The following FSTL4 variants were observed in gnomAD, a reference collection of about 807,000 sequenced individuals.
FSTL4 encodes the protein follistatin like 4.
FSTL4 carries 28 observed loss-of-function variants against 78.2 expected under a neutral mutation model. That is an observed-to-expected ratio of 0.36 (90% CI 0.27 to 0.49). FSTL4 has a LOEUF of 0.49. Among genes scored for constraint, FSTL4 ranks in the 20% least tolerant of loss-of-function variants. The pLI is 0.98. For missense variants in FSTL4, 922 were observed against 1,084.9 expected (o/e 0.85, Z 2.11); for synonymous variants, 422 against 440.5 (o/e 0.96, Z 0.53).
At chr5:133,531,865 T>C (rs920470132) in intron 3 of FSTL4, among the ~76,000 whole-genome samples, 1 of 152,202 alleles carries the variant, frequency 6.6e-6, no homozygotes, top group Admixed American at 6.5e-5. Context: ...ATAATCTGCA[T>C]GCCTTTACTG....
chr5:133,668,244 C>T, the FSTL4 span, among the ~76,000 whole-genome samples: 2 of 152,120 alleles, frequency 1.3e-5, no homozygotes, highest in African/African-American at 4.8e-5. Context: ...ACTAAGAAAC[C>T]CTCAGGAAGA....
chr5:133,406,070 T>C (rs1341405616), intron 3 of FSTL4, among the ~76,000 whole-genome samples: 1 of 152,024 alleles, frequency 6.6e-6, no homozygotes. Flanking sequence ...AAGACAAGTG[T>C]AGATGGTGTT....
At chr5:133,830,748 C>T in the FSTL4 span, among the ~76,000 whole-genome samples, 4 of 152,172 alleles carry the variant, frequency 2.6e-5, no homozygotes, top group East Asian at 1.9e-4. Flanking sequence ...GGGGAGTCCT[C>T]GTCAATTAGG....
At chr5:133,386,398 C>G (rs1037843250) in intron 4 of FSTL4, among the ~76,000 whole-genome samples, 2 of 152,228 alleles carry the variant, frequency 1.3e-5, no homozygotes, top group African/African-American at 2.4e-5. Flanking sequence ...GCCTTCTAGA[C>G]AGGCACGCTC....
chr5:133,580,270 C>G (rs915414671), intron 2 of FSTL4, among the ~76,000 whole-genome samples: 1 of 152,172 alleles, frequency 6.6e-6, no homozygotes, highest in African/African-American at 2.4e-5. Flanking sequence ...TCCTAGCTTG[C>G]AATTCCCACC....
At chr5:133,706,730 C>T in the FSTL4 span, among the ~76,000 whole-genome samples, 5 of 152,188 alleles carry the variant, frequency 3.3e-5, no homozygotes, top group African/African-American at 1.2e-4. Flanking sequence ...TCTTCCACCT[C>T]CAACCAACAC....
the FSTL4 span, among the ~76,000 whole-genome samples, chr5:133,758,524 T>A: frequency 6.6e-6 from 1 of 152,194 alleles, no homozygotes; most frequent in Non-Finnish European, 1.5e-5. Context: ...AGATGTTGCC[T>A]CTCCCCAAAA....
Position 133,212,975 on chromosome 5 carries a change from CAT to C in FSTL4, c.1609-2679_1609-2678del, listed in dbSNP as rs535064362. On this transcript the variant is annotated intron_variant, in intron 13 of 15. Coordinates refer to ENST00000265342, the MANE Select transcript of FSTL4 (RefSeq NM_015082.2). ...AATGCTGAAAGAAAAGAATCGCTAA[CAT>C]AGAATTCTATACTCAGTGAAGAATA... Among the ~76,000 whole-genome samples, 557 of 151,478 alleles carry C rather than the reference CAT, an allele frequency of 3.7e-3. 7 individuals carry two copies. Among genetic ancestry groups the C allele is most frequent in the African/African-American group, 0.013 (542 of 41,328 alleles).
At chr5:133,268,232 C>T (rs569432750) in intron 6 of FSTL4, among the ~76,000 whole-genome samples, 4 of 152,280 alleles carry the variant, frequency 2.6e-5, no homozygotes, top group African/African-American at 9.6e-5. Flanking sequence ...GCTAGATTCC[C>T]CTTCCTGGGA....
At chr5:133,411,173 A>T (rs994191055) in intron 3 of FSTL4, among the ~76,000 whole-genome samples, 3 of 152,246 alleles carry the variant, frequency 2.0e-5, no homozygotes, top group Non-Finnish European at 4.4e-5. Context: ...GCCTTAAGGT[A>T]CTTCAGTGTT....
intron 4 of FSTL4, among the ~76,000 whole-genome samples, chr5:133,383,188 C>T (rs575651431): frequency 1.3e-5 from 2 of 152,230 alleles, no homozygotes; most frequent in Non-Finnish European, 2.9e-5. Context: ...CCACATCCTG[C>T]ACTTCCTCCT....
At chr5:133,808,302 C>T in the FSTL4 span, among the ~76,000 whole-genome samples, 1 of 152,182 alleles carries the variant, frequency 6.6e-6, no homozygotes, top group Non-Finnish European at 1.5e-5. Context: ...CGGGGCTAGA[C>T]CCAGGGAGAA....
chr5:133,238,522 T>G (rs1216833939), intron 7 of FSTL4, among the ~76,000 whole-genome samples: 2 of 152,216 alleles, frequency 1.3e-5, no homozygotes, highest in Non-Finnish European at 2.9e-5. Flanking sequence ...CAGGACCACA[T>G]GCACATGTGG....
chr5:133,683,445 T>C, the FSTL4 span, among the ~76,000 whole-genome samples: 1 of 152,186 alleles, frequency 6.6e-6, no homozygotes, highest in Non-Finnish European at 1.5e-5. Flanking sequence ...GTAGTTAAAT[T>C]AATGATTTTT....
At chr5:133,759,581 A>G in the FSTL4 span, among the ~76,000 whole-genome samples, 13 of 152,366 alleles carry the variant, frequency 8.5e-5, no homozygotes, top group African/African-American at 2.9e-4. Flanking sequence ...GTACTATGTG[A>G]TATATACAAA....
the FSTL4 span, among the ~76,000 whole-genome samples, chr5:133,825,857 G>A: frequency 2.6e-5 from 4 of 152,200 alleles, no homozygotes; most frequent in South Asian, 2.1e-4. Context: ...CCCCAGCATC[G>A]AGCTGTCTCC....
At chr5:133,268,235 T>C (rs757778352) in intron 6 of FSTL4, among the ~76,000 whole-genome samples, 8 of 152,160 alleles carry the variant, frequency 5.3e-5, no homozygotes, top group Non-Finnish European at 1.0e-4. Context: ...AGATTCCCCT[T>C]CCTGGGAGCT....
rs144927589 is a variant in FSTL4, at chr5:133,245,253, TAGAG to T, written c.894+4153_894+4156del. Among the ~76,000 whole-genome samples, 534 of 151,898 alleles carry T rather than the reference TAGAG, an allele frequency of 3.5e-3. 3 individuals carry two copies. The highest frequency in any genetic ancestry group is 0.012 in the African/African-American group (507 of 41,398). ...ACTCCAGATGTGCCATTGGGGAAGTTAGAGAGGAGGAAGACTCAGAAAACATCAA... is the reference window on the plus strand; with the variant it reads ...ACTCCAGATGTGCCATTGGGGAAGTTAGGAGGAAGACTCAGAAAACATCAA... On this transcript the variant is annotated intron_variant, in intron 7 of 15. Coordinates refer to ENST00000265342, the MANE Select transcript of FSTL4 (RefSeq NM_015082.2).
At chr5:133,468,720 C>T (rs1024404235) in intron 3 of FSTL4, among the ~76,000 whole-genome samples, 7 of 152,138 alleles carry the variant, frequency 4.6e-5, no homozygotes, top group African/African-American at 1.7e-4. Flanking sequence ...GGCAAACTCC[C>T]CCAGTTGTTC....
Sources: allele counts gnomAD v4.1 joint callset (sites outside exome capture counted in the v4.1 genomes callset), GRCh38; gene constraint gnomAD v4.1.1; transcripts MANE v1.5; gene names NCBI Gene and HGNC (gene_info 2026-07-23, HGNC 2026-07-21).